Variants in GPC5 observed in about 807,000 individuals in gnomAD.
The protein encoded by GPC5 is glypican-5.
Under a neutral mutation model 53.9 loss-of-function variants are expected in GPC5, and 47 were observed. The ratio of observed to expected loss-of-function variants is 0.87; its 90% CI spans 0.69 to 1.11. The LOEUF (loss-of-function observed/expected upper bound fraction) is 1.11. Among genes scored for constraint, GPC5 ranks in the 50% most tolerant of loss-of-function variants. The probability of loss-of-function intolerance (pLI) is 0.00; values close to 1 mark genes in which losing one functional copy is unlikely to be tolerated. For missense variants in GPC5, 748 were observed against 713.1 expected (o/e 1.05, Z -0.56); for synonymous variants, 286 against 263.3 (o/e 1.09, Z -0.84).
intron 7 of GPC5, among the ~76,000 whole-genome samples, chr13:92,779,975 A>C (rs769460404): frequency 2.6e-5 from 4 of 152,128 alleles, no homozygotes; most frequent in Non-Finnish European, 5.9e-5. Flanking sequence ...TTTTCAGTTG[A>C]AAGTTAAGAC....
intron 6 of GPC5, among the ~76,000 whole-genome samples, chr13:92,018,463 G>T (rs906636689): frequency 6.6e-6 from 1 of 151,966 alleles, no homozygotes; most frequent in African/African-American, 2.4e-5. Context: ...AAAACGTAAC[G>T]TGCCTGTTTT....
At chr13:91,716,150 G>A (rs918398086) in intron 3 of GPC5, among the ~76,000 whole-genome samples, 4 of 151,862 alleles carry the variant, frequency 2.6e-5, no homozygotes, top group Non-Finnish European at 4.4e-5. Context: ...TTTTATAGTC[G>A]TTGAAGAATG....
At chr13:92,787,667 C>CAAAAAAAAAAAAAAAAAA (rs71202562) in intron 7 of GPC5, among the ~76,000 whole-genome samples, 70 of 56,070 alleles carry the variant, frequency 1.2e-3, no homozygotes, top group East Asian at 4.8e-3. Flanking sequence ...CTCATAGCTA[C>CAAAAAAAAAAAAAAAAAA]AAAAAAAAAA....
chr13:92,503,710 A>G (rs1049113187), intron 7 of GPC5, among the ~76,000 whole-genome samples: 7 of 151,936 alleles, frequency 4.6e-5, no homozygotes, highest in African/African-American at 1.7e-4. Context: ...CTCCATAAAC[A>G]TTAAAACAAT....
chr13:92,148,434 T>A (rs2138989102), intron 7 of GPC5, among the ~76,000 whole-genome samples: 1 of 152,228 alleles, frequency 6.6e-6, no homozygotes, highest in East Asian at 1.9e-4. Context: ...ACCATCTTAC[T>A]GCTTTCTAAA....
At chr13:91,723,468 C>A (rs1380502501) in intron 3 of GPC5, among the ~76,000 whole-genome samples, 1 of 56,760 alleles carries the variant, frequency 1.8e-5, no homozygotes, top group African/African-American at 5.4e-5. Context: ...GAGAATTAAT[C>A]TCTCCCTCCA....
chr13:92,447,488 G>T (rs1325599503), intron 7 of GPC5: 1 of 151,656 alleles, frequency 6.6e-6, no homozygotes, highest in Non-Finnish European at 1.5e-5. Context: ...TTTTAGTAGG[G>T]ATATATTACT....
intron 5 of GPC5, among the ~76,000 whole-genome samples, chr13:91,833,425 C>A (rs2038686108): frequency 6.6e-6 from 1 of 152,032 alleles, no homozygotes; most frequent in Non-Finnish European, 1.5e-5. Context: ...CAAAACCTGG[C>A]AAAGGCACAA....
intron 5 of GPC5, among the ~76,000 whole-genome samples, chr13:91,787,314 G>A (rs184508483): frequency 2.0e-5 from 3 of 152,174 alleles, no homozygotes; most frequent in Admixed American, 2.0e-4. Context: ...ATCTCTAGTT[G>A]CAATGCCATA....
At chr13:91,800,262 A>G (rs1185819082) in intron 5 of GPC5, among the ~76,000 whole-genome samples, 14 of 152,120 alleles carry the variant, frequency 9.2e-5, no homozygotes, top group Admixed American at 9.2e-4. Flanking sequence ...ATATTTGTAA[A>G]TTTATGTACC....
At chr13:91,944,511 A>G (rs1355585638) in intron 6 of GPC5, among the ~76,000 whole-genome samples, 1 of 152,190 alleles carries the variant, frequency 6.6e-6, no homozygotes, top group Non-Finnish European at 1.5e-5. Flanking sequence ...TAGATGAGGC[A>G]ATCAGGGAGC....
chr13:92,308,948 G>T (rs536925944), intron 7 of GPC5, among the ~76,000 whole-genome samples: 1 of 152,048 alleles, frequency 6.6e-6, no homozygotes, highest in South Asian at 2.1e-4. Context: ...CAGTCATTAT[G>T]CAGGGAGGTT....
intron 7 of GPC5, among the ~76,000 whole-genome samples, chr13:92,385,674 TATATACAC>T (rs1312341516): frequency 1.4e-5 from 2 of 143,388 alleles, no homozygotes; most frequent in African/African-American, 5.1e-5. Context: ...CATATATACA[TATATACAC>T]ACATATATAC....
At chr13:92,581,376 C>A in intron 7 of GPC5, among the ~76,000 whole-genome samples, 1 of 152,106 alleles carries the variant, frequency 6.6e-6, no homozygotes, top group East Asian at 1.9e-4. Flanking sequence ...CATATTTATT[C>A]ATTTCATTGC....
At chr13:91,799,499 T>G (rs915415680) in intron 5 of GPC5, among the ~76,000 whole-genome samples, 10 of 152,200 alleles carry the variant, frequency 6.6e-5, no homozygotes, top group African/African-American at 2.4e-4. Context: ...CTTGAGATTC[T>G]TTTTTAAAAA....
At chr13:92,028,179 G>T (rs1460255982) in intron 6 of GPC5, among the ~76,000 whole-genome samples, 2 of 151,940 alleles carry the variant, frequency 1.3e-5, no homozygotes, top group Non-Finnish European at 2.9e-5. Flanking sequence ...TTTTTTAAAT[G>T]GTTTATACCT....
chr13:92,474,968 A>C (rs565641535), intron 7 of GPC5, among the ~76,000 whole-genome samples: 2 of 152,162 alleles, frequency 1.3e-5, no homozygotes, highest in Non-Finnish European at 2.9e-5. Context: ...ACAAAATCAT[A>C]AAACCAATTT....
intron 7 of GPC5, among the ~76,000 whole-genome samples, chr13:92,785,605 T>C (rs1876200404): frequency 6.6e-6 from 1 of 152,108 alleles, no homozygotes; most frequent in South Asian, 2.1e-4. Flanking sequence ...GAATCCATCA[T>C]ATAGTGGCTT....
chr13:92,743,150 C>T (rs1397143902), intron 7 of GPC5, among the ~76,000 whole-genome samples: 1 of 151,778 alleles, frequency 6.6e-6, no homozygotes, highest in Admixed American at 6.6e-5. Flanking sequence ...ATAGGGATGG[C>T]ATTGAATCTC....
Sources: allele counts gnomAD v4.1 joint callset (sites outside exome capture counted in the v4.1 genomes callset), GRCh38; gene constraint gnomAD v4.1.1; transcripts MANE v1.5; gene names NCBI Gene and HGNC (gene_info 2026-07-23, HGNC 2026-07-21).